DUSP2: variants seen among roughly 807,000 people sequenced by gnomAD.
DUSP2 encodes dual specificity phosphatase 2.
In DUSP2, 20 loss-of-function variants were observed where a neutral mutation model predicts 23.3. That is an observed-to-expected ratio of 0.86 (90% CI 0.60 to 1.25). DUSP2 has a LOEUF of 1.25. Among genes scored for constraint, DUSP2 ranks in the 50% most tolerant of loss-of-function variants. The pLI is 0.00. For synonymous variants in DUSP2, 231 were observed against 209.7 expected, an observed-to-expected ratio of 1.10 and a Z score of -0.88; for missense variants, 435 against 452.6, an observed-to-expected ratio of 0.96 and a Z score of 0.35.
Position 96,143,683 on chromosome 2 carries a change from C to CA in DUSP2, c.*139_*140insT. 3.0e-6 allele frequency: 3 copies of CA among 985,104 alleles called. No individual in the cohort carries two copies. The highest frequency in any genetic ancestry group is 3.0e-6 in the Non-Finnish European group (2 of 673,956). The allele number at this position is 985,104 out of a possible 1,614,324, so 61.0% of individuals were successfully genotyped here. ...CAGCATGCCGGCATTCCTAGAGCCC[C>CA]CATGTGGGGGCTTCTGAAACTCTGA... is the stretch of plus-strand genomic sequence containing the variant. On this transcript the variant is annotated 3_prime_UTR_variant, in exon 4 of 4. Coordinates refer to ENST00000288943, the MANE Select transcript of DUSP2 (RefSeq NM_004418.4).
chr2:96,144,318 G>A lies in DUSP2; in HGVS notation c.566C>T (p.Ser189Leu). The change falls in exon 3 of 4, where the codon TCA becomes TTA. Residue 189 changes from serine (S) to leucine (L), a missense_variant. Ser to Leu is a moderately radical substitution (Grantham distance 145). Transcript: ENST00000288943. Reference sequence around the variant, plus strand: ...ACAGGCCTGCAGCCCCTGCAGGTCTGACGAGTGACTGCAGCTGCCCAGGAA... The same window carrying A: ...ACAGGCCTGCAGCCCCTGCAGGTCTAACGAGTGACTGCAGCTGCCCAGGAA... ...YLFLGSCSHS[S>L]DLQGLQACGI... 1 of 1,613,856 alleles carries A rather than the reference G, an allele frequency of 6.2e-7. No homozygotes were observed. Among genetic ancestry groups the A allele is most frequent in the Non-Finnish European group, 8.5e-7 (1 of 1,180,038 alleles).
rs528627160 is a variant in DUSP2 at position 96,145,065 on chromosome 2, G to A, written c.290C>T (p.Ser97Leu). 1.2e-5 allele frequency: 18 copies of A among 1,522,382 alleles called. No homozygotes were observed. In the South Asian group the frequency reaches 1.9e-4, roughly 16 times the overall value. 94.3% of individuals were successfully genotyped at this position (1,522,382 alleles called of 1,614,324 possible). ...RAVVLDEGSASVAELRPDSPA... is the reference protein window; with the variant it reads ...RAVVLDEGSALVAELRPDSPA... Reference sequence around the variant, plus strand: ...GCTGTCGGGCCGGAGCTCCGCCACCGAGGCACTGCCCTCGTCCAGCACCAC... The same window carrying A: ...GCTGTCGGGCCGGAGCTCCGCCACCAAGGCACTGCCCTCGTCCAGCACCAC... The change falls in exon 1 of 4, where the codon TCG becomes TTG. Residue 97 changes from serine (S) to leucine (L), a missense_variant. Physicochemically the swap from Ser to Leu is moderately radical, Grantham distance 145 (BLOSUM62 -2). Coordinates refer to ENST00000288943, the MANE Select transcript of DUSP2 (RefSeq NM_004418.4).
rs1187566156 is a variant in DUSP2 at position 96,145,159 on chromosome 2, C to T, written c.196G>A (p.Val66Ile). 2.3e-6 allele frequency: 3 copies of T among 1,315,296 alleles called. No individual in the cohort carries two copies. Among genetic ancestry groups the T allele is most frequent in the African/African-American group, 1.6e-5 (1 of 64,308 alleles). 81.5% of individuals were successfully genotyped at this position (1,315,296 alleles called of 1,614,324 possible). A position where few individuals can be genotyped will look rare whatever the true frequency, so the allele number is the denominator to read the frequency against. Residue 66 changes from valine (V) to isoleucine (I), a missense_variant, in exon 1 of 4, where the codon GTT becomes ATT. Transcript: ENST00000288943. ...CGGTCGGGCAGCAGGCAGGCGAGAA[C>T]GGCGGCAGGAGGGCCGCGCGCGCGG... ...RRRARGPPAAVLACLLPDRAL... is the reference protein window; with the variant it reads ...RRRARGPPAAILACLLPDRAL...
chr2:96,145,217 C>T lies in DUSP2; in HGVS notation c.138G>A (p.Ala46=). 7.9e-7 allele frequency: 1 copy of T among 1,273,394 alleles called. No homozygotes were observed. The highest frequency in any genetic ancestry group is 9.8e-7 in the Non-Finnish European group (1 of 1,016,914). 78.9% of individuals were successfully genotyped at this position (1,273,394 alleles called of 1,614,324 possible). The change falls in exon 1 of 4, where the codon GCG becomes GCA. Residue 46 remains alanine (A), a synonymous_variant. Coordinates refer to ENST00000288943, the MANE Select transcript of DUSP2 (RefSeq NM_004418.4). ...LAFCRRHVRA[A]RPVPWNALLR... ...GCAGCGCGTTCCAAGGCACTGGCCG[C>T]GCGGCGCGCACGTGGCGCCGGCAGA...
rs756203530 is a variant in DUSP2 at position 96,143,983 on chromosome 2, G to C, written c.785C>G (p.Ser262Trp). 6.2e-7 allele frequency: 1 copy of C among 1,613,688 alleles called. No individual in the cohort carries two copies. Among genetic ancestry groups the C allele is most frequent in the South Asian group, 1.1e-5 (1 of 91,090 alleles). ...RVLVHCQAGISRSATICLAYL... is the reference protein window; with the variant it reads ...RVLVHCQAGIWRSATICLAYL... The stretch of plus-strand genomic sequence containing the variant: ...TGCCAGACAGATGGTGGCAGAGCGC[G>C]AGATACCCGCCTGGCAGTGCACCAG... The change falls in exon 4 of 4, where the codon TCG (serine) becomes TGG (tryptophan). Residue 262 changes from serine (S) to tryptophan (W), a missense_variant. Ser to Trp is a radical substitution (Grantham distance 177, BLOSUM62 -3). Coordinates refer to ENST00000288943, the MANE Select transcript of DUSP2 (RefSeq NM_004418.4).
chr2:96,144,005 C>T lies in DUSP2; in HGVS notation c.763G>A (p.Val255Met). ...WVKNSGGRVL[V>M]HCQAGISRSA... Reference sequence around the variant, plus strand: ...CGCGAGATACCCGCCTGGCAGTGCACCAGCACCCGGCCTCCGCTGTTCTTC... The same window carrying T: ...CGCGAGATACCCGCCTGGCAGTGCATCAGCACCCGGCCTCCGCTGTTCTTC... The change falls in exon 4 of 4, where the codon GTG (valine) becomes ATG (methionine). Residue 255 changes from valine (V) to methionine (M), a missense_variant. Physicochemically the swap from Val to Met is conservative, Grantham distance 21. Coordinates refer to ENST00000288943, the MANE Select transcript of DUSP2 (RefSeq NM_004418.4). 1 of 1,613,808 alleles carries T rather than the reference C, an allele frequency of 6.2e-7. No homozygotes were observed. Among genetic ancestry groups the T allele is most frequent in the East Asian group, 2.2e-5 (1 of 44,888 alleles).
In DUSP2 at chr2:96,144,962, C is replaced by G. The variant is rs761720858; in HGVS notation, c.388+5G>C. 4.5e-6 allele frequency: 7 copies of G among 1,546,206 alleles called. No homozygotes were observed. Among genetic ancestry groups the G allele is most frequent in the Non-Finnish European group, 5.2e-6 (6 of 1,148,430 alleles). On this transcript the variant is annotated splice_donor_5th_base_variant and intron_variant, in intron 1 of 3. Transcript: ENST00000288943. ...GGGCGGGCCAAGGGCGGCCGGCTTG[C>G]TCACCTCGCAGGAAGTACACGGCAG...
intron 2 of DUSP2, 158 bp downstream of exon 2, chr2:96,144,603 G>C (rs2104788408): frequency 1.3e-6 from 1 of 774,602 alleles, no homozygotes; most frequent in South Asian, 1.8e-5. Context: ...GCACGCGCGA[G>C]CAGCCATGCC....
In DUSP2 at chr2:96,145,410, T is replaced by C; in HGVS notation, c.-56A>G. 7.7e-7 allele frequency: 1 copy of C among 1,299,926 alleles called. No homozygotes were observed. Among genetic ancestry groups the C allele is most frequent in the Non-Finnish European group, 9.8e-7 (1 of 1,021,804 alleles). The allele number at this position is 1,299,926 out of a possible 1,614,324, so 80.5% of individuals were successfully genotyped here. On this transcript the variant is annotated 5_prime_UTR_variant, in exon 1 of 4. Transcript: ENST00000288943. ...GTCTTTCCCGCGTCCCGGGCTCTCG[T>C]GGCGGTGGCGCTGCCCGAGCGGTCG...
chr2:96,145,400 C>G lies in DUSP2; in HGVS notation c.-46G>C. 7.5e-7 allele frequency: 1 copy of G among 1,335,282 alleles called. No individual in the cohort carries two copies. Among genetic ancestry groups the G allele is most frequent in the South Asian group, 2.0e-5 (1 of 50,766 alleles). The allele number at this position is 1,335,282 out of a possible 1,614,324, so 82.7% of individuals were successfully genotyped here. A position where few individuals can be genotyped will look rare whatever the true frequency, so the allele number is the denominator to read the frequency against. On this transcript the variant is annotated 5_prime_UTR_variant, in exon 1 of 4. Transcript: ENST00000288943. Reference sequence around the variant, plus strand: ...CTTCCTTTCGGTCTTTCCCGCGTCCCGGGCTCTCGTGGCGGTGGCGCTGCC... The same window carrying G: ...CTTCCTTTCGGTCTTTCCCGCGTCCGGGGCTCTCGTGGCGGTGGCGCTGCC...
In DUSP2 at chr2:96,143,892, C is replaced by A. The variant is rs377434804; in HGVS notation, c.876G>T (p.Gly292=). ...EAFDFVKQRR[G]VISPNFSFMG... is the part of the protein sequence containing the mutation. ...TGAAACTGAAGTTGGGGGAGATGAC[C>A]CCCCGGCGCTGCTTAACGAAGTCAA... The change falls in exon 4 of 4, where the codon GGG becomes GGT. Residue 292 remains glycine, a synonymous_variant. Coordinates refer to ENST00000288943, the MANE Select transcript of DUSP2 (RefSeq NM_004418.4). 45 of 1,613,696 alleles carry A rather than the reference C, an allele frequency of 2.8e-5. No homozygotes were observed. The African/African-American group carries it at 4.3e-4, about 15-fold the overall frequency.
intron 1 of DUSP2, 24 bp from the exon 2 acceptor site, chr2:96,144,906 T>G (rs748240347): frequency 6.5e-7 from 1 of 1,547,998 alleles, no homozygotes. Flanking sequence ...AAGAGCACGA[T>G]CAGCAGGGAA....
In DUSP2 at chr2:96,145,267, G is replaced by A. The variant is rs886831382; in HGVS notation, c.88C>T (p.Leu30=). Residue 30 remains leucine, a synonymous_variant, in exon 1 of 4, where the codon CTG becomes TTG. Transcript: ENST00000288943. Reference sequence around the variant, plus strand: ...AAGGCCAGGAAGGGGCGGCAGTCCAGCAGCAGCGTGCGTTCCGCCTCCCGC... The same window carrying A: ...AAGGCCAGGAAGGGGCGGCAGTCCAACAGCAGCGTGCGTTCCGCCTCCCGC... ...DPREAERTLL[L]DCRPFLAFCR... is the part of the protein sequence containing the mutation. 2.8e-5 allele frequency: 37 copies of A among 1,321,862 alleles called. No homozygotes were observed. The highest frequency in any genetic ancestry group is 3.3e-5 in the Non-Finnish European group (34 of 1,041,202). 81.9% of individuals were successfully genotyped at this position (1,321,862 alleles called of 1,614,324 possible).
At chr2:96,144,107 TCTC>T (rs1427994131) in intron 3 of DUSP2, 44 bp downstream of exon 3, 1 of 1,612,408 alleles carries the variant, frequency 6.2e-7, no homozygotes, top group Non-Finnish European at 8.5e-7. Flanking sequence ...CCCCCAGTCC[TCTC>T]CTCTGGAGCC....
Position 96,144,953 on chromosome 2 carries a change from G to T in DUSP2, c.388+14C>A. On this transcript the variant is annotated intron_variant, in intron 1 of 3. Coordinates refer to ENST00000288943, the MANE Select transcript of DUSP2 (RefSeq NM_004418.4). ...AGTCGGGTGGGGCGGGCCAAGGGCG[G>T]CCGGCTTGCTCACCTCGCAGGAAGT... 1.3e-6 allele frequency: 2 copies of T among 1,546,776 alleles called. No individual in the cohort carries two copies. Among genetic ancestry groups the T allele is most frequent in the Non-Finnish European group, 1.7e-6 (2 of 1,147,832 alleles).
At chr2:96,144,561 A>G (rs964145369) in intron 2 of DUSP2, 188 bp from the exon 3 acceptor site, 3 of 723,104 alleles carry the variant, frequency 4.1e-6, no homozygotes, top group African/African-American at 3.6e-5. Flanking sequence ...TGCTCCCAAC[A>G]TACACATGCA....
rs752824511 is a variant in DUSP2 at position 96,145,013 on chromosome 2, C to G, written c.342G>C (p.Leu114=). The change falls in exon 1 of 4, where the codon CTG becomes CTC. Residue 114 remains leucine, a synonymous_variant. Coordinates refer to ENST00000288943, the MANE Select transcript of DUSP2 (RefSeq NM_004418.4). ...TGGGCCCCGCGCGGGTCTCGTGCAG[C>G]AGCGCGGCCAGCAGCACATGAGCCG... ...DSPAHVLLAA[L]LHETRAGPTA... 6.5e-7 allele frequency: 1 copy of G among 1,539,584 alleles called. No individual in the cohort carries two copies. Among genetic ancestry groups the G allele is most frequent in the Non-Finnish European group, 8.7e-7 (1 of 1,148,710 alleles).
At position 96,144,024 on chromosome 2, in the gene DUSP2, G is replaced by C. The variant is rs777343774; in HGVS notation, c.744C>G (p.Asn248Lys). 7 of 1,613,672 alleles carry C rather than the reference G, an allele frequency of 4.3e-6. No individual in the cohort carries two copies. Among genetic ancestry groups the C allele is most frequent in the African/African-American group, 1.3e-5 (1 of 74,956 alleles). ...AGTGCACCAGCACCCGGCCTCCGCT[G>C]TTCTTCACCCAGTCTGCAAGGGAGA... ...EAIGFIDWVKNSGGRVLVHCQ... is the reference protein window; with the variant it reads ...EAIGFIDWVKKSGGRVLVHCQ... Residue 248 changes from asparagine to lysine, a missense_variant, in exon 4 of 4, where the codon AAC becomes AAG. By Grantham distance (94) the Asn-to-Lys change is moderately conservative (BLOSUM62 0). Coordinates refer to ENST00000288943, the MANE Select transcript of DUSP2 (RefSeq NM_004418.4).
rs1431441219 is a variant in DUSP2, at chr2:96,144,055, G to C, written c.731-18C>G. ...CACCCAGTCTGCAAGGGAGATGGGG[G>C]AGTGGTGTCAGACGGAATGTGCACA... On this transcript the variant is annotated intron_variant, in intron 3 of 3. Transcript: ENST00000288943. 6.2e-7 allele frequency: 1 copy of C among 1,613,402 alleles called. No homozygotes were observed. Among genetic ancestry groups the C allele is most frequent in the Non-Finnish European group, 8.5e-7 (1 of 1,179,848 alleles).
Sources: gnomAD v4.1 joint callset for allele counts on GRCh38, gnomAD v4.1.1 for gene constraint, MANE v1.5 for transcripts, NCBI Gene and HGNC (gene_info 2026-07-23, HGNC 2026-07-21) for gene names.